The following DDX10 variants were observed in gnomAD, a reference collection of about 807,000 sequenced individuals.
DDX10 encodes DEAD-box helicase 10.
DDX10 carries 74 observed loss-of-function variants against 104.3 expected under a neutral mutation model. The observed-to-expected ratio is 0.71, with a 90% confidence interval of 0.59 to 0.86. DDX10 has a LOEUF of 0.86. Among genes scored for constraint, DDX10 ranks in the 40% least tolerant of loss-of-function variants. The pLI is 0.00. For missense variants in DDX10, 952 were observed against 1,040.0 expected (o/e 0.92, Z 1.16); for synonymous variants, 351 against 353.4 (o/e 0.99, Z 0.08).
chr11:108,922,940 AG>A (rs1477447693), intron 17 of DDX10, among the ~76,000 whole-genome samples: 1 of 152,218 alleles, frequency 6.6e-6, no homozygotes, highest in Admixed American at 6.5e-5. Context: ...ACTCCATTTA[AG>A]GATCTAGGCT....
At chr11:108,795,353 A>G (rs1445184777) in intron 13 of DDX10, among the ~76,000 whole-genome samples, 1 of 150,988 alleles carries the variant, frequency 6.6e-6, no homozygotes, top group African/African-American at 2.4e-5. Flanking sequence ...CATGTGCACA[A>G]CATGCACATA....
At chr11:108,917,559 A>C (rs927293235) in intron 16 of DDX10, among the ~76,000 whole-genome samples, 1 of 152,150 alleles carries the variant, frequency 6.6e-6, no homozygotes, top group African/African-American at 2.4e-5. Context: ...ATGCCACAGC[A>C]CCTGGCTTTT....
chr11:108,740,660 T>A (rs929718261), intron 13 of DDX10, among the ~76,000 whole-genome samples: 5 of 152,188 alleles, frequency 3.3e-5, no homozygotes, highest in Non-Finnish European at 7.4e-5. Flanking sequence ...TATTTTTTTT[T>A]ACATTTTAAT....
chr11:108,876,349 G>T (rs753150717), intron 16 of DDX10, among the ~76,000 whole-genome samples: 2 of 152,068 alleles, frequency 1.3e-5, no homozygotes, highest in African/African-American at 4.8e-5. Context: ...TAAGTGACTC[G>T]TCTAAAGTTG....
At chr11:108,750,650 A>G (rs146692866) in intron 13 of DDX10, among the ~76,000 whole-genome samples, 14 of 152,148 alleles carry the variant, frequency 9.2e-5, no homozygotes, top group Non-Finnish European at 1.3e-4. Context: ...ACCTGACTTT[A>G]ATATATTAAC....
intron 10 of DDX10, among the ~76,000 whole-genome samples, chr11:108,713,672 C>T (rs1270284241): frequency 6.6e-6 from 1 of 152,246 alleles, no homozygotes; most frequent in East Asian, 1.9e-4. Context: ...TGCTCTGTCT[C>T]TTCAAATTAT....
intron 13 of DDX10, among the ~76,000 whole-genome samples, chr11:108,834,293 C>G (rs931412173): frequency 2.6e-5 from 4 of 151,954 alleles, no homozygotes; most frequent in Admixed American, 6.6e-5. Flanking sequence ...AACTATCCAT[C>G]TATCTCTCCA....
chr11:108,838,354 C>A, intron 13 of DDX10, 92 bp from the exon 14 acceptor site: 3 of 1,337,872 alleles, frequency 2.2e-6, no homozygotes, highest in Non-Finnish European at 3.0e-6. Flanking sequence ...ATAAATGTAC[C>A]CAGTTTTGAG....
intron 13 of DDX10, among the ~76,000 whole-genome samples, chr11:108,736,063 G>A (rs979142698): frequency 2.0e-5 from 3 of 151,584 alleles, no homozygotes; most frequent in African/African-American, 4.8e-5. Flanking sequence ...GGTTAATGTT[G>A]TAATTTTGAA....
chr11:108,935,195 T>C (rs746558697), intron 17 of DDX10, among the ~76,000 whole-genome samples: 2 of 152,048 alleles, frequency 1.3e-5, no homozygotes, highest in Non-Finnish European at 2.9e-5. Flanking sequence ...AGAGGTATCA[T>C]TTGAACTGGC....
intron 10 of DDX10, 91 bp downstream of exon 10, chr11:108,706,928 T>A (rs917883321): frequency 9.6e-7 from 1 of 1,036,674 alleles, no homozygotes; most frequent in Non-Finnish European, 1.5e-6. Flanking sequence ...CCCCTTCCCC[T>A]AATTTATTCA....
intron 9 of DDX10, among the ~76,000 whole-genome samples, chr11:108,697,136 C>G (rs1364762642): frequency 2.6e-5 from 4 of 151,652 alleles, no homozygotes; most frequent in Non-Finnish European, 5.9e-5. Flanking sequence ...AAAGCACAAG[C>G]CTGTTTGACC....
At chr11:108,861,521 T>C (rs1862941179) in intron 16 of DDX10, among the ~76,000 whole-genome samples, 1 of 152,210 alleles carries the variant, frequency 6.6e-6, no homozygotes, top group African/African-American at 2.4e-5. Context: ...AAACATGATA[T>C]TGAGCAAAAG....
At chr11:108,733,414 A>G (rs775966519) in intron 13 of DDX10, among the ~76,000 whole-genome samples, 1 of 152,174 alleles carries the variant, frequency 6.6e-6, no homozygotes, top group African/African-American at 2.4e-5. Flanking sequence ...AAGTACTGGA[A>G]AATGATTAAC....
At chr11:108,825,941 C>T (rs1862389949) in intron 13 of DDX10, among the ~76,000 whole-genome samples, 1 of 152,118 alleles carries the variant, frequency 6.6e-6, no homozygotes, top group South Asian at 2.1e-4. Context: ...ATATGATATA[C>T]ACATTTGGAA....
At chr11:108,855,454 T>C (rs769976888) in intron 16 of DDX10, among the ~76,000 whole-genome samples, 1 of 152,062 alleles carries the variant, frequency 6.6e-6, no homozygotes, top group Non-Finnish European at 1.5e-5. Flanking sequence ...GAAAGTGTGA[T>C]TTTTATTTAT....
At chr11:108,845,428 T>A (rs1382443721) in intron 15 of DDX10, among the ~76,000 whole-genome samples, 1 of 152,220 alleles carries the variant, frequency 6.6e-6, no homozygotes, top group African/African-American at 2.4e-5. Context: ...TTAGTTCTTT[T>A]AGTGTAGGGT....
chr11:108,766,874 G>T (rs1206545504), intron 13 of DDX10, among the ~76,000 whole-genome samples: 1 of 152,158 alleles, frequency 6.6e-6, no homozygotes, highest in Non-Finnish European at 1.5e-5. Flanking sequence ...AGACTGGTGT[G>T]CAGCCATCAG....
intron 16 of DDX10, among the ~76,000 whole-genome samples, chr11:108,888,728 T>G (rs1327817912): frequency 6.6e-6 from 1 of 151,992 alleles, no homozygotes; most frequent in African/African-American, 2.4e-5. Flanking sequence ...GGTAATAGAC[T>G]AGACGTGGGA....
Sources: allele counts gnomAD v4.1 joint callset (sites outside exome capture counted in the v4.1 genomes callset), GRCh38; gene constraint gnomAD v4.1.1; transcripts MANE v1.5; gene names NCBI Gene and HGNC (gene_info 2026-07-23, HGNC 2026-07-21).